Variants in ANTXR1 observed in about 807,000 individuals in gnomAD.
ANTXR1 encodes ANTXR cell adhesion molecule 1.
In ANTXR1, 19 loss-of-function variants were observed where a neutral mutation model predicts 78.1. The ratio of observed to expected loss-of-function variants is 0.24; its 90% CI spans 0.17 to 0.36. The LOEUF is 0.36. Ranked by LOEUF, ANTXR1 falls within the 10% of genes least tolerant of loss-of-function variation. The pLI is 1.00. For synonymous variants in ANTXR1, 273 were observed against 260.5 expected (o/e 1.05, Z -0.46); for missense variants, 518 against 718.6 (o/e 0.72, Z 3.19).
intron 13 of ANTXR1, among the ~76,000 whole-genome samples, chr2:69,165,658 C>T (rs1373165810): frequency 1.3e-5 from 2 of 152,252 alleles, no homozygotes; most frequent in African/African-American, 4.8e-5. Flanking sequence ...GGGCCTGACT[C>T]GCGGCTTCAA....
In ANTXR1 at chr2:69,171,879, T is replaced by C. The variant is rs140854919; in HGVS notation, c.1089+1590T>C. Among the ~76,000 whole-genome samples, 1,500 of 152,340 alleles carry C rather than the reference T, an allele frequency of 9.8e-3. 9 individuals carry two copies. Among genetic ancestry groups the C allele is most frequent in the Middle Eastern group, 0.041 (12 of 294 alleles). ...AAGTAGTTGAGTTTTTTCTGTTTCA[T>C]AAAAGTTGTAGTTACACCCAAAGAA... On this transcript the variant is annotated intron_variant, in intron 14 of 17. Coordinates refer to ENST00000303714, the MANE Select transcript of ANTXR1 (RefSeq NM_032208.3).
chr2:69,149,242 G>T (rs537101175), intron 12 of ANTXR1, among the ~76,000 whole-genome samples: 1 of 152,060 alleles, frequency 6.6e-6, no homozygotes, highest in Admixed American at 6.6e-5. Context: ...TGAGCCCCCC[G>T]GCTGTCCTCC....
intron 13 of ANTXR1, among the ~76,000 whole-genome samples, chr2:69,167,499 G>A (rs536904807): frequency 9.9e-5 from 15 of 152,200 alleles, no homozygotes; most frequent in Admixed American, 4.6e-4. Context: ...TTGGCACAAG[G>A]ATTTGGCCCA....
At chr2:69,215,069 G>A (rs531591378) in intron 17 of ANTXR1, among the ~76,000 whole-genome samples, 27 of 152,144 alleles carry the variant, frequency 1.8e-4, no homozygotes, top group Non-Finnish European at 3.4e-4. Context: ...ATGGATGGGC[G>A]AACCCAATTG....
At chr2:69,181,719 G>A in intron 14 of ANTXR1, 67 bp from the exon 15 acceptor site, 1 of 1,441,496 alleles carries the variant, frequency 6.9e-7, no homozygotes, top group Non-Finnish European at 9.8e-7. Context: ...TAATCACTTG[G>A]CTGTAGTAGG....
intron 10 of ANTXR1, among the ~76,000 whole-genome samples, chr2:69,121,006 G>A (rs994309227): frequency 2.6e-5 from 4 of 152,054 alleles, no homozygotes; most frequent in East Asian, 1.9e-4. Context: ...TTCTTGCCCC[G>A]GGATCTTTGC....
intron 12 of ANTXR1, among the ~76,000 whole-genome samples, chr2:69,139,241 A>G (rs1323020938): frequency 6.6e-6 from 1 of 152,228 alleles, no homozygotes; most frequent in Non-Finnish European, 1.5e-5. Flanking sequence ...CTTAAGGCCT[A>G]GCCCAGTGCT....
At chr2:69,048,683 G>A (rs1669846569) in intron 3 of ANTXR1, among the ~76,000 whole-genome samples, 1 of 152,166 alleles carries the variant, frequency 6.6e-6, no homozygotes, top group African/African-American at 2.4e-5. Flanking sequence ...TTTCTATTCT[G>A]TTCTGTTTTT....
At position 69,096,257 on chromosome 2, in the gene ANTXR1, A is replaced by AAAGGAAGGAAGG. The variant is rs201497715; in HGVS notation, c.703+5359_703+5370dup. Among the ~76,000 whole-genome samples, 383 of 50,234 alleles carry AAAGGAAGGAAGG rather than the reference A, an allele frequency of 7.6e-3. 75 individuals carry two copies. Among genetic ancestry groups the AAAGGAAGGAAGG allele is most frequent in the Non-Finnish European group, 0.011 (321 of 28,914 alleles). 33.0% of individuals were successfully genotyped at this position (50,234 alleles called of 152,430 possible). On this transcript the variant is annotated intron_variant, in intron 9 of 17. Transcript: ENST00000303714. The stretch of plus-strand genomic sequence containing the variant: ...TGGGCAACAGAGCGAGACTCCGTCA[A>AAAGGAAGGAAGG]AAGGAAGGAAGGAAGGAAGGAAGGA...
chr2:69,165,028 G>T (rs1673789909), intron 13 of ANTXR1, among the ~76,000 whole-genome samples: 2 of 152,160 alleles, frequency 1.3e-5, no homozygotes, highest in African/African-American at 4.8e-5. Context: ...CTCAAAGTGT[G>T]GTCCCTAGAC....
intron 12 of ANTXR1, among the ~76,000 whole-genome samples, chr2:69,128,083 G>C (rs776438580): frequency 6.6e-6 from 1 of 152,046 alleles, no homozygotes; most frequent in Non-Finnish European, 1.5e-5. Flanking sequence ...AATTAGCCTG[G>C]CATGGTGGCA....
At chr2:69,109,356 CTTT>C (rs529906894) in intron 10 of ANTXR1, among the ~76,000 whole-genome samples, 23 of 152,242 alleles carry the variant, frequency 1.5e-4, no homozygotes, top group African/African-American at 5.5e-4. Context: ...TCCAAGGGGA[CTTT>C]TTAAGTTAAC....
At chr2:69,092,563 C>T (rs1251637196) in intron 9 of ANTXR1, among the ~76,000 whole-genome samples, 1 of 152,194 alleles carries the variant, frequency 6.6e-6, no homozygotes, top group Non-Finnish European at 1.5e-5. Context: ...GAAAGGCAAT[C>T]CCAAAAGATT....
At chr2:69,085,714 A>AC (rs1030847633) in intron 8 of ANTXR1, among the ~76,000 whole-genome samples, 2 of 152,018 alleles carry the variant, frequency 1.3e-5, no homozygotes, top group Non-Finnish European at 2.9e-5. Context: ...CAATAAAAAA[A>AC]AAACACTGTA....
At chr2:69,241,124 C>T (rs72903171) in intron 17 of ANTXR1, among the ~76,000 whole-genome samples, 6,725 of 152,188 alleles carry the variant, frequency 0.044, 529 homozygotes, top group African/African-American at 0.15. Context: ...AATCTTGGAT[C>T]GGAATCAAAC....
chr2:69,026,958 T>C (rs962817274), intron 1 of ANTXR1, among the ~76,000 whole-genome samples: 1 of 152,112 alleles, frequency 6.6e-6, no homozygotes, highest in Non-Finnish European at 1.5e-5. Flanking sequence ...TCACTAGAAA[T>C]AAAGCAGACG....
intron 10 of ANTXR1, among the ~76,000 whole-genome samples, chr2:69,112,510 G>A (rs1420855418): frequency 6.6e-6 from 1 of 152,132 alleles, no homozygotes; most frequent in Non-Finnish European, 1.5e-5. Context: ...CCCTCATTTT[G>A]CAGAAAGATA....
intron 17 of ANTXR1, among the ~76,000 whole-genome samples, chr2:69,193,969 C>T (rs937235589): frequency 6.6e-6 from 1 of 152,220 alleles, no homozygotes; most frequent in Non-Finnish European, 1.5e-5. Context: ...TTGGCATTGT[C>T]AAGGCTAAGC....
At chr2:69,050,297 A>G (rs943412131) in intron 3 of ANTXR1, among the ~76,000 whole-genome samples, 1 of 151,696 alleles carries the variant, frequency 6.6e-6, no homozygotes, top group Non-Finnish European at 1.5e-5. Flanking sequence ...TGCTGTATCA[A>G]AAATAAATAA....
Sources: gnomAD v4.1 joint callset for allele counts (sites outside exome capture counted in the v4.1 genomes callset) on GRCh38, gnomAD v4.1.1 for gene constraint, MANE v1.5 for transcripts, NCBI Gene and HGNC (gene_info 2026-07-23, HGNC 2026-07-21) for gene names.